The following MUCL1 variants were observed in gnomAD, a reference collection of about 807,000 sequenced individuals.
MUCL1 encodes mucin-like protein 1.
In MUCL1, 11 loss-of-function variants were observed where a neutral mutation model predicts 9.2. The observed-to-expected ratio is 1.19, with a 90% CI of 0.75 to 1.97. MUCL1 has a LOEUF of 1.97. MUCL1 is among the 30% of genes most tolerant of loss of function. The probability of loss-of-function intolerance (pLI) is 0.00; values close to 1 mark genes in which losing one functional copy is unlikely to be tolerated. For missense variants in MUCL1, 144 were observed against 110.9 expected (o/e 1.30, Z -1.34); for synonymous variants, 48 against 40.5 (o/e 1.19, Z -0.71).
At chr12:54,839,619 C>T (rs1246435156) in intron 1 of MUCL1, among the ~76,000 whole-genome samples, 2 of 152,136 alleles carry the variant, frequency 1.3e-5, no homozygotes, top group Non-Finnish European at 2.9e-5. Flanking sequence ...CACTGCTGAC[C>T]AGTGTTTCAG....
intron 1 of MUCL1, among the ~76,000 whole-genome samples, chr12:54,841,389 A>G (rs937152826): frequency 6.6e-6 from 1 of 151,932 alleles, no homozygotes; most frequent in Non-Finnish European, 1.5e-5. Flanking sequence ...TATGGTAGTT[A>G]TTTTTTTTAA....
At chr12:54,838,175 C>G (rs990468777), upstream of MUCL1, among the ~76,000 whole-genome samples, 4 of 152,208 alleles carry the variant, frequency 2.6e-5, no homozygotes, top group Admixed American at 6.5e-5. Flanking sequence ...GACTATTTCT[C>G]TCCATTTATA....
At chr12:54,837,238 A>G (rs549131580), upstream of MUCL1, among the ~76,000 whole-genome samples, 6 of 152,184 alleles carry the variant, frequency 3.9e-5, no homozygotes, top group East Asian at 7.7e-4. Context: ...TTTAGTAGTA[A>G]TTGTTTTATG....
rs547403478 is a variant in MUCL1, at chr12:54,842,995, A to G, written c.43+3548A>G. Among the ~76,000 whole-genome samples, 16 of 152,338 alleles carry G rather than the reference A, an allele frequency of 1.1e-4. No homozygotes were observed. The South Asian group carries it at 3.3e-3, about 32-fold the overall frequency. ...TATTCCCGCTGTGTTACAATAACTTACAGTATTCAGTGTAGAAACATGCTG... is the reference window on the plus strand; with the variant it reads ...TATTCCCGCTGTGTTACAATAACTTGCAGTATTCAGTGTAGAAACATGCTG... On this transcript the variant is annotated intron_variant, in intron 1 of 3. Coordinates refer to the MUCL1 transcript ENST00000546809.
chr12:54,835,960 A>G (rs1469711869), upstream of MUCL1, among the ~76,000 whole-genome samples: 3 of 152,102 alleles, frequency 2.0e-5, no homozygotes, highest in Non-Finnish European at 4.4e-5. Context: ...TATCTTTTTG[A>G]CGAGCTGTTG....
upstream of MUCL1, among the ~76,000 whole-genome samples, chr12:54,836,024 A>G (rs1959192634): frequency 6.6e-6 from 1 of 152,128 alleles, no homozygotes; most frequent in African/African-American, 2.4e-5. Context: ...TTCATCAGGA[A>G]TATTGGTCTG....
chr12:54,834,936 G>A (rs751810607), upstream of MUCL1, among the ~76,000 whole-genome samples: 2 of 151,870 alleles, frequency 1.3e-5, no homozygotes, highest in Non-Finnish European at 2.9e-5. Context: ...TATCCATTAT[G>A]CCACTCTGTA....
At chr12:54,856,997 C>T in intron 3 of MUCL1, 105 bp downstream of exon 3, 4 of 1,479,112 alleles carry the variant, frequency 2.7e-6, no homozygotes, top group East Asian at 4.5e-5. Flanking sequence ...GAGACCTCTT[C>T]TTTACATTGT....
chr12:54,847,385 G>A (rs1959272750), intron 1 of MUCL1, among the ~76,000 whole-genome samples: 1 of 152,188 alleles, frequency 6.6e-6, no homozygotes, highest in African/African-American at 2.4e-5. Flanking sequence ...GGAGGATGAG[G>A]CAGGTGGATC....
At chr12:54,844,153 T>G (rs1043294070) in intron 1 of MUCL1, among the ~76,000 whole-genome samples, 5 of 152,214 alleles carry the variant, frequency 3.3e-5, no homozygotes, top group African/African-American at 1.2e-4. Flanking sequence ...CCATCATTTT[T>G]TCAACATTTG....
chr12:54,855,095 T>A (rs1475704756), intron 1 of MUCL1, 21 bp from the exon 2 acceptor site: 1 of 1,611,630 alleles, frequency 6.2e-7, no homozygotes, highest in African/African-American at 1.3e-5. Flanking sequence ...AACATCTTAA[T>A]TTTTCCTTCT....
chr12:54,844,725 G>A (rs1959233986), intron 1 of MUCL1, among the ~76,000 whole-genome samples: 1 of 152,168 alleles, frequency 6.6e-6, no homozygotes, highest in Admixed American at 6.5e-5. Flanking sequence ...AGTCTTGTCA[G>A]GTGTTGGACT....
intron 1 of MUCL1, among the ~76,000 whole-genome samples, chr12:54,843,991 C>T (rs190732844): frequency 2.6e-4 from 39 of 152,000 alleles, no homozygotes; most frequent in African/African-American, 9.4e-4. Flanking sequence ...ATGTCTTAAC[C>T]TTTTTGTTTA....
chr12:54,835,767 T>C (rs904062134), upstream of MUCL1, among the ~76,000 whole-genome samples: 2 of 152,166 alleles, frequency 1.3e-5, no homozygotes, highest in African/African-American at 2.4e-5. Flanking sequence ...GTCTAGTTTG[T>C]TGAGGGTTTC....
intron 1 of MUCL1, among the ~76,000 whole-genome samples, chr12:54,840,825 C>G (rs1265115012): frequency 1.3e-5 from 2 of 152,146 alleles, no homozygotes; most frequent in Non-Finnish European, 1.5e-5. Context: ...GTAAACCCCA[C>G]CCAGCTCCCA....
intron 1 of MUCL1, among the ~76,000 whole-genome samples, chr12:54,845,660 T>C (rs1295180262): frequency 6.6e-6 from 1 of 152,142 alleles, no homozygotes; most frequent in African/African-American, 2.4e-5. Flanking sequence ...ACCTGCAACT[T>C]GAGGGCCACT....
At chr12:54,846,287 T>C (rs1482060335) in intron 1 of MUCL1, among the ~76,000 whole-genome samples, 1 of 152,152 alleles carries the variant, frequency 6.6e-6, no homozygotes, top group East Asian at 1.9e-4. Flanking sequence ...GATGCTGCCA[T>C]GGGGCTAGAT....
intron 2 of MUCL1, 155 bp downstream of exon 2, chr12:54,855,312 C>T (rs755029118): frequency 3.1e-6 from 2 of 648,682 alleles, no homozygotes; most frequent in Non-Finnish European, 5.5e-6. Flanking sequence ...TAAAATTCAC[C>T]ACAAACATAG....
intron 3 of MUCL1, 43 bp from the exon 4 acceptor site, chr12:54,858,150 A>G (rs373133585): frequency 4.0e-4 from 639 of 1,611,114 alleles, no homozygotes; most frequent in Non-Finnish European, 5.2e-4. Flanking sequence ...CACATTCTTC[A>G]TCCTTTGTCG....
Sources: allele counts gnomAD v4.1 joint callset (sites outside exome capture counted in the v4.1 genomes callset), GRCh38; gene constraint gnomAD v4.1.1; transcripts MANE v1.5; gene names NCBI Gene and HGNC (gene_info 2026-07-23, HGNC 2026-07-21).